GRXCR2: variants seen among roughly 807,000 people sequenced by gnomAD.
The protein encoded by GRXCR2 is glutaredoxin domain-containing cysteine-rich protein 2.
Under a neutral mutation model 24.8 loss-of-function variants are expected in GRXCR2, and 23 were observed. The observed-to-expected ratio is 0.93, with a 90% CI of 0.67 to 1.32. GRXCR2 has a LOEUF of 1.32. Ranked by LOEUF, GRXCR2 falls within the 40% of genes most tolerant of loss-of-function variation. The pLI, the probability that GRXCR2 is intolerant of heterozygous loss-of-function variation, is 0.00. For synonymous variants in GRXCR2, 130 were observed against 116.1 expected (o/e 1.12, Z -0.77); for missense variants, 315 against 303.4 (o/e 1.04, Z -0.28).
chr5:145,904,281 C>T (rs935675202), intron 2 of GRXCR2, among the ~76,000 whole-genome samples: 4 of 152,194 alleles, frequency 2.6e-5, no homozygotes, highest in East Asian at 3.9e-4. Flanking sequence ...GAACCAGCAT[C>T]GCTGAGGAAA....
chr5:145,915,485 G>T (rs1163677797), intron 2 of GRXCR2, among the ~76,000 whole-genome samples: 1 of 152,038 alleles, frequency 6.6e-6, no homozygotes, highest in Non-Finnish European at 1.5e-5. Context: ...AATCCTGCTG[G>T]TTACAAACGT....
upstream of GRXCR2, among the ~76,000 whole-genome samples, chr5:145,876,179 A>ATGTGTG (rs200140784): frequency 1.8e-4 from 20 of 113,408 alleles, no homozygotes; most frequent in African/African-American, 5.2e-4. Flanking sequence ...AAAAAATTGT[A>ATGTGTG]TGTGTGTGTG....
intron 2 of GRXCR2, among the ~76,000 whole-genome samples, chr5:145,897,708 TAGTA>T (rs764264057): frequency 4.6e-5 from 7 of 152,108 alleles, no homozygotes; most frequent in Non-Finnish European, 8.8e-5. Flanking sequence ...AACAACTTGC[TAGTA>T]AATTACTTTT....
intron 2 of GRXCR2, among the ~76,000 whole-genome samples, chr5:145,882,442 G>C (rs145600709): frequency 6.6e-6 from 1 of 152,110 alleles, no homozygotes; most frequent in Admixed American, 6.6e-5. Context: ...ACTGGTCATC[G>C]GAGAAATGCA....
chr5:145,927,616 T>C (rs1366979852), intron 2 of GRXCR2, among the ~76,000 whole-genome samples: 1 of 152,170 alleles, frequency 6.6e-6, no homozygotes, highest in Non-Finnish European at 1.5e-5. Flanking sequence ...TGATGTGCTG[T>C]TGGATTCGGT....
At chr5:145,873,112 G>A (rs1561678589), upstream of GRXCR2, 1 of 642,494 alleles carries the variant, frequency 1.6e-6, no homozygotes, top group Non-Finnish European at 2.7e-6. Flanking sequence ...TACAGCAACT[G>A]ACACCCATAC....
At chr5:145,891,341 C>T (rs964797972) in intron 2 of GRXCR2, among the ~76,000 whole-genome samples, 1 of 152,192 alleles carries the variant, frequency 6.6e-6, no homozygotes, top group Non-Finnish European at 1.5e-5. Context: ...GAGGCATCAC[C>T]TCACCCAGGA....
chr5:145,908,575 G>T (rs1757121290), intron 2 of GRXCR2, among the ~76,000 whole-genome samples: 1 of 152,196 alleles, frequency 6.6e-6, no homozygotes, highest in South Asian at 2.1e-4. Context: ...GAAGAAAATT[G>T]GACCTATTGT....
chr5:145,916,003 C>A (rs1374833039), intron 2 of GRXCR2, among the ~76,000 whole-genome samples: 1 of 152,126 alleles, frequency 6.6e-6, no homozygotes, highest in Non-Finnish European at 1.5e-5. Context: ...ACAGAGTCAC[C>A]ATGCGGGGAG....
intron 2 of GRXCR2, among the ~76,000 whole-genome samples, chr5:145,893,938 A>G (rs1188321377): frequency 6.6e-6 from 1 of 152,230 alleles, no homozygotes; most frequent in African/African-American, 2.4e-5. Context: ...ACTGTCTCTC[A>G]GACCACAGTG....
intron 2 of GRXCR2, among the ~76,000 whole-genome samples, chr5:145,899,876 G>T (rs1052793464): frequency 9.2e-5 from 14 of 151,976 alleles, no homozygotes; most frequent in African/African-American, 3.4e-4. Context: ...ATCCTCAAAA[G>T]CAATTGCAAC....
At chr5:145,921,515 A>C (rs1363750619) in intron 2 of GRXCR2, among the ~76,000 whole-genome samples, 1 of 152,124 alleles carries the variant, frequency 6.6e-6, no homozygotes, top group Non-Finnish European at 1.5e-5. Flanking sequence ...TTCTTACCAA[A>C]CTGAACACGT....
intron 2 of GRXCR2, among the ~76,000 whole-genome samples, chr5:145,896,298 G>A (rs1365062656): frequency 1.3e-5 from 2 of 152,124 alleles, no homozygotes; most frequent in African/African-American, 2.4e-5. Flanking sequence ...TAACTAAACT[G>A]AAGAGCTTCT....
intron 2 of GRXCR2, among the ~76,000 whole-genome samples, chr5:145,921,323 A>G (rs910565828): frequency 6.6e-6 from 1 of 152,198 alleles, no homozygotes; most frequent in African/African-American, 2.4e-5. Context: ...ACCAAGGGTG[A>G]ATGCACATGT....
chr5:145,905,804 G>C (rs1158305844), intron 2 of GRXCR2, among the ~76,000 whole-genome samples: 1 of 152,092 alleles, frequency 6.6e-6, no homozygotes, highest in Non-Finnish European at 1.5e-5. Flanking sequence ...AGGCTGGGAG[G>C]CATATAGTAA....
chr5:145,873,887 T>C (rs184427973), upstream of GRXCR2, among the ~76,000 whole-genome samples: 73 of 152,296 alleles, frequency 4.8e-4, 1 homozygote, highest in East Asian at 0.01. Context: ...CTGAGAACAG[T>C]CCTACAATCC....
intron 2 of GRXCR2, among the ~76,000 whole-genome samples, chr5:145,878,502 G>A (rs1756652523): frequency 6.6e-6 from 1 of 152,068 alleles, no homozygotes; most frequent in Non-Finnish European, 1.5e-5. Context: ...AGAGAAAAAA[G>A]AGTAGAAAGA....
intron 2 of GRXCR2, among the ~76,000 whole-genome samples, chr5:145,926,426 A>G (rs1757395562): frequency 6.6e-6 from 1 of 152,204 alleles, no homozygotes; most frequent in Admixed American, 6.5e-5. Flanking sequence ...GAAGGGATCC[A>G]GTTTCAGCTT....
chr5:145,897,532 A>G (rs1011803802), intron 2 of GRXCR2, among the ~76,000 whole-genome samples: 13 of 152,096 alleles, frequency 8.5e-5, no homozygotes, highest in African/African-American at 2.4e-4. Flanking sequence ...TAATCTGTAC[A>G]TGGAACATAC....
Sources: gnomAD v4.1 joint callset for allele counts (sites outside exome capture counted in the v4.1 genomes callset) on GRCh38, gnomAD v4.1.1 for gene constraint, MANE v1.5 for transcripts, NCBI Gene and HGNC (gene_info 2026-07-23, HGNC 2026-07-21) for gene names.